TECRL: variants seen among roughly 807,000 people sequenced by gnomAD.
The protein encoded by TECRL is trans-2,3-enoyl-CoA reductase like.
In TECRL, 63 loss-of-function variants were observed where a neutral mutation model predicts 52.8. That is an observed-to-expected ratio of 1.19 (90% CI 0.97 to 1.47). The LOEUF is 1.47. TECRL is among the 40% of genes most tolerant of loss of function. The pLI, the probability that TECRL is intolerant of heterozygous loss-of-function variation, is 0.00. For synonymous variants in TECRL, 164 were observed against 141.9 expected (o/e 1.16, Z -1.10); for missense variants, 482 against 429.6 (o/e 1.12, Z -1.08).
intron 1 of TECRL, among the ~76,000 whole-genome samples, chr4:64,391,607 T>C (rs1393020565): frequency 6.6e-6 from 1 of 151,838 alleles, no homozygotes; most frequent in African/African-American, 2.4e-5. Context: ...CTTTATATAT[T>C]TAAGATAAGC....
chr4:64,361,049 C>T (rs1356278309), intron 2 of TECRL, among the ~76,000 whole-genome samples: 1 of 132,604 alleles, frequency 7.5e-6, no homozygotes, highest in Non-Finnish European at 1.6e-5. Context: ...CCCCATGTGA[C>T]AGGGCCAGTC....
intron 9 of TECRL, among the ~76,000 whole-genome samples, chr4:64,289,356 G>A (rs958230379): frequency 6.6e-6 from 1 of 152,122 alleles, no homozygotes; most frequent in Non-Finnish European, 1.5e-5. Flanking sequence ...ATCAAATATT[G>A]TACAAGTGGG....
intron 1 of TECRL, among the ~76,000 whole-genome samples, chr4:64,396,504 T>C (rs1187917723): frequency 1.3e-5 from 2 of 152,184 alleles, no homozygotes; most frequent in Non-Finnish European, 2.9e-5. Context: ...TGTGGTTGTT[T>C]GTTTTTTTGC....
intron 1 of TECRL, among the ~76,000 whole-genome samples, chr4:64,406,147 GGCGCGCGC>G (rs67324937): frequency 1.6e-4 from 24 of 146,636 alleles, no homozygotes; most frequent in East Asian, 4.0e-4. Context: ...TTATTTGTTA[GGCGCGCGC>G]GCGCGCGCGC....
intron 1 of TECRL, among the ~76,000 whole-genome samples, chr4:64,386,484 T>C (rs931795073): frequency 6.6e-6 from 1 of 151,978 alleles, no homozygotes; most frequent in African/African-American, 2.4e-5. Flanking sequence ...AAACCAATGG[T>C]GTTCATGAGT....
At chr4:64,281,427 G>T (rs1560467231) in intron 10 of TECRL, 47 bp downstream of exon 10, 2 of 1,120,416 alleles carry the variant, frequency 1.8e-6, no homozygotes, top group African/African-American at 3.2e-5. Flanking sequence ...CATGCATTTA[G>T]TATATCATGA....
chr4:64,348,723 C>A (rs1720164203), intron 2 of TECRL, among the ~76,000 whole-genome samples: 1 of 152,152 alleles, frequency 6.6e-6, no homozygotes, highest in African/African-American at 2.4e-5. Flanking sequence ...ATGGTCCATT[C>A]TTTGTCTGAG....
Position 64,281,057 on chromosome 4 carries a change from C to A in TECRL, c.948G>T (p.Met316Ile). 1 of 1,602,744 alleles carries A rather than the reference C, an allele frequency of 6.2e-7. No individual in the cohort carries two copies. The change falls in exon 11 of 12, where the codon ATG becomes ATT. Residue 316 changes from methionine (M) to isoleucine (I), a missense_variant. By Grantham distance (10) the Met-to-Ile change is conservative (BLOSUM62 1). Coordinates refer to ENST00000381210, the MANE Select transcript of TECRL (RefSeq NM_001010874.5). ...EIGSWISFTVMTQTLPVGIFT... is the reference protein window; with the variant it reads ...EIGSWISFTVITQTLPVGIFT... ...AGGTCTTACCTGGCAGTGTTTGTGT[C>A]ATGACTGTGAAACTAATCCATGATC...
At chr4:64,342,431 A>ATG (rs1238738848) in intron 2 of TECRL, among the ~76,000 whole-genome samples, 34 of 23,834 alleles carry the variant, frequency 1.4e-3, no homozygotes, top group South Asian at 4.9e-3. Flanking sequence ...TTATATATAT[A>ATG]TATGTGTGTG....
At chr4:64,308,407 A>T (rs1008217071) in intron 6 of TECRL, among the ~76,000 whole-genome samples, 3 of 152,092 alleles carry the variant, frequency 2.0e-5, no homozygotes, top group African/African-American at 4.8e-5. Context: ...TTCGTTAGGC[A>T]CTCATAAGTA....
At chr4:64,293,026 A>G (rs969669856) in intron 8 of TECRL, among the ~76,000 whole-genome samples, 4 of 152,084 alleles carry the variant, frequency 2.6e-5, no homozygotes, top group Non-Finnish European at 4.4e-5. Context: ...ATATCATATA[A>G]TCTTTATTGA....
intron 1 of TECRL, among the ~76,000 whole-genome samples, chr4:64,390,457 C>T (rs549490710): frequency 6.6e-6 from 1 of 151,840 alleles, no homozygotes; most frequent in African/African-American, 2.4e-5. Context: ...ATTATGAGTC[C>T]ACCACATTTC....
intron 1 of TECRL, among the ~76,000 whole-genome samples, chr4:64,379,253 C>T (rs200708755): frequency 1.3e-4 from 5 of 37,606 alleles, no homozygotes; most frequent in South Asian, 4.8e-4. Context: ...CACATACACA[C>T]ACACACACAC....
At chr4:64,319,530 G>C (rs376165132) in intron 4 of TECRL, among the ~76,000 whole-genome samples, 8 of 151,754 alleles carry the variant, frequency 5.3e-5, no homozygotes, top group African/African-American at 1.9e-4. Context: ...TAAAGAAGGA[G>C]AGAAAATATT....
chr4:64,408,900 A>AC (rs1182009298), intron 1 of TECRL, among the ~76,000 whole-genome samples: 4 of 152,112 alleles, frequency 2.6e-5, no homozygotes, highest in African/African-American at 9.7e-5. Context: ...ATTATTATCT[A>AC]CCATTTAATT....
chr4:64,405,956 C>T (rs1205607373), intron 1 of TECRL, among the ~76,000 whole-genome samples: 1 of 152,064 alleles, frequency 6.6e-6, no homozygotes, highest in African/African-American at 2.4e-5. Context: ...TTTGCCGTGC[C>T]TCACTGGTGA....
chr4:64,338,154 C>A (rs1197468908), intron 2 of TECRL, among the ~76,000 whole-genome samples: 1 of 152,104 alleles, frequency 6.6e-6, no homozygotes. Flanking sequence ...TGATCTTTGA[C>A]AAACCTGACA....
At chr4:64,282,500 G>A (rs983925583) in intron 9 of TECRL, among the ~76,000 whole-genome samples, 7 of 151,848 alleles carry the variant, frequency 4.6e-5, no homozygotes, top group African/African-American at 1.7e-4. Context: ...AAATATGTAG[G>A]CCTTTTGTTA....
In TECRL at chr4:64,280,009, T is replaced by C. The variant is rs575173950; in HGVS notation, c.*63A>G. ...TTGGAGTATAATAGTTAACTATCCTTAACTAAGTCTTATTTATTGAATTTA... is the reference window on the plus strand; with the variant it reads ...TTGGAGTATAATAGTTAACTATCCTCAACTAAGTCTTATTTATTGAATTTA... On this transcript the variant is annotated 3_prime_UTR_variant, in exon 12 of 12. Transcript: ENST00000381210. 4.0e-5 allele frequency: 61 copies of C among 1,519,782 alleles called. No homozygotes were observed. In the East Asian group the frequency reaches 1.4e-3, roughly 34 times the overall value. The allele number at this position is 1,519,782 out of a possible 1,614,324, so 94.1% of individuals were successfully genotyped here.
Sources: allele counts gnomAD v4.1 joint callset (sites outside exome capture counted in the v4.1 genomes callset), GRCh38; gene constraint gnomAD v4.1.1; transcripts MANE v1.5; gene names NCBI Gene and HGNC (gene_info 2026-07-23, HGNC 2026-07-21).